Variants in CPPED1 observed in about 807,000 individuals in gnomAD.
The protein encoded by CPPED1 is calcineurin like phosphoesterase domain containing 1, also known as serine/threonine-protein phosphatase CPPED1.
Under a neutral mutation model 28.0 loss-of-function variants are expected in CPPED1, and 28 were observed. That is an observed-to-expected ratio of 1.00 (90% CI 0.74 to 1.37). The LOEUF (loss-of-function observed/expected upper bound fraction) is 1.37, where lower values mean the gene tolerates loss of function less well. Among genes scored for constraint, CPPED1 ranks in the 40% most tolerant of loss-of-function variants. CPPED1 has a pLI of 0.00. For missense variants in CPPED1, 504 were observed against 416.5 expected, an observed-to-expected ratio of 1.21 and a Z score of -1.83; for synonymous variants, 198 against 180.2, an observed-to-expected ratio of 1.10 and a Z score of -0.79.
In CPPED1 at chr16:12,680,669, C is replaced by G. The variant is rs144628100; in HGVS notation, c.716-15554G>C. On this transcript the variant is annotated intron_variant, in intron 3 of 3. Transcript: ENST00000381774. ...GCCCAACTACTCCTGCTTGCTGTAT[C>G]ATCAGCATGAGAAGAGAGACACTCT... is the stretch of plus-strand genomic sequence containing the variant. Among the ~76,000 whole-genome samples the G allele has an allele frequency of 2.8e-3, 419 of 152,252 alleles. 3 individuals carry two copies. Among genetic ancestry groups the G allele is most frequent in the African/African-American group, 9.7e-3 (404 of 41,546 alleles).
intron 3 of CPPED1, among the ~76,000 whole-genome samples, chr16:12,676,162 C>T (rs1427461519): frequency 6.6e-6 from 1 of 152,170 alleles, no homozygotes; most frequent in Non-Finnish European, 1.5e-5. Context: ...GACCCAATGC[C>T]TGTGGCCCAG....
rs557432646 is a variant in CPPED1, at chr16:12,700,635, A to G, written c.715+3989T>C. ...TTGAACTCCTGACTTCAGGTGATCC[A>G]CCTGCCTTGGCCTCCCAAAGTGCTA... is the stretch of plus-strand genomic sequence containing the variant. On this transcript the variant is annotated intron_variant, in intron 3 of 3. Transcript: ENST00000381774. Among the ~76,000 whole-genome samples, 4 of 152,292 alleles carry G rather than the reference A, an allele frequency of 2.6e-5. No homozygotes were observed. The South Asian group carries it at 8.3e-4, about 32-fold the overall frequency.
At chr16:12,683,430 G>C (rs1375535704) in intron 3 of CPPED1, among the ~76,000 whole-genome samples, 1 of 152,048 alleles carries the variant, frequency 6.6e-6, no homozygotes, top group Non-Finnish European at 1.5e-5. Context: ...CACCGGTTCT[G>C]TTATAACCTG....
intron 1 of CPPED1, among the ~76,000 whole-genome samples, chr16:12,792,083 C>T (rs1156414754): frequency 3.9e-5 from 6 of 152,134 alleles, no homozygotes; most frequent in Non-Finnish European, 8.8e-5. Context: ...TCCTGAACAA[C>T]TGAGATTACA....
intron 3 of CPPED1, among the ~76,000 whole-genome samples, chr16:12,683,489 C>T (rs1319893705): frequency 1.3e-5 from 2 of 152,166 alleles, no homozygotes; most frequent in Non-Finnish European, 2.9e-5. Flanking sequence ...AGCCAACAAT[C>T]GGTTCCTAGG....
intron 2 of CPPED1, among the ~76,000 whole-genome samples, chr16:12,722,860 C>T (rs1439696077): frequency 2.0e-5 from 3 of 152,186 alleles, no homozygotes; most frequent in Non-Finnish European, 4.4e-5. Context: ...AAGATGCAGG[C>T]TCCAGTGTAT....
chr16:12,750,806 A>G (rs1364849712), intron 2 of CPPED1, among the ~76,000 whole-genome samples: 1 of 152,100 alleles, frequency 6.6e-6, no homozygotes, highest in African/African-American at 2.4e-5. Flanking sequence ...TCCTGTCTCT[A>G]CTAAAAGTAC....
At chr16:12,763,032 C>A (rs570777447) in intron 2 of CPPED1, among the ~76,000 whole-genome samples, 1 of 152,200 alleles carries the variant, frequency 6.6e-6, no homozygotes, top group African/African-American at 2.4e-5. Flanking sequence ...AGTTCAAGAC[C>A]AGCCTGGCCA....
In CPPED1 at chr16:12,781,296, C is replaced by T. The variant is rs201377568; in HGVS notation, c.178G>A (p.Glu60Lys). The T allele has an allele frequency of 8.0e-4, 1,291 of 1,614,118 alleles. 3 individuals are homozygous for T. The highest frequency in any genetic ancestry group is 1.0e-3 in the Non-Finnish European group (1,234 of 1,180,016). The change falls in exon 2 of 4, where the codon GAA (glutamate) becomes AAA (lysine). Residue 60 changes from glutamate to lysine, a missense_variant. Transcript: ENST00000381774. ...GTTAGACGGATCTCCTGTTCCCATT[C>T]GTCACCGCCATTGTCACAGTCCCCA... ...STGDCDNGGD[E>K]WEQEIRLTEQ...
chr16:12,787,020 A>G (rs534008269), intron 1 of CPPED1, among the ~76,000 whole-genome samples: 4 of 152,348 alleles, frequency 2.6e-5, no homozygotes, highest in Non-Finnish European at 5.9e-5. Context: ...TATATAGCAC[A>G]CATGTATGTG....
intron 2 of CPPED1, among the ~76,000 whole-genome samples, chr16:12,762,129 G>A (rs1455623500): frequency 1.3e-5 from 2 of 152,142 alleles, no homozygotes; most frequent in Non-Finnish European, 1.5e-5. Context: ...TCGGCTAATT[G>A]AGAGGACAGC....
chr16:12,794,752 T>C (rs1056632027), intron 1 of CPPED1, among the ~76,000 whole-genome samples: 2 of 152,182 alleles, frequency 1.3e-5, no homozygotes, highest in South Asian at 2.1e-4. Flanking sequence ...GCTCAACCTG[T>C]ACAAAGGTAA....
chr16:12,730,131 G>C (rs2080189809), intron 2 of CPPED1, among the ~76,000 whole-genome samples: 1 of 152,032 alleles, frequency 6.6e-6, no homozygotes, highest in Non-Finnish European at 1.5e-5. Context: ...CGAGTTGCTG[G>C]GATTACACGT....
chr16:12,760,636 C>T (rs994733959), intron 2 of CPPED1: 2 of 152,162 alleles, frequency 1.3e-5, no homozygotes, highest in African/African-American at 4.8e-5. Flanking sequence ...GTCTCCTGTT[C>T]AGAAGCACTT....
intron 2 of CPPED1, among the ~76,000 whole-genome samples, chr16:12,771,633 G>A (rs2080470869): frequency 6.6e-6 from 1 of 152,150 alleles, no homozygotes; most frequent in Non-Finnish European, 1.5e-5. Context: ...TGCTTATTAT[G>A]GCCTGTCTTG....
At chr16:12,669,104 A>C (rs761026215) in intron 3 of CPPED1, among the ~76,000 whole-genome samples, 1 of 152,244 alleles carries the variant, frequency 6.6e-6, no homozygotes, top group Non-Finnish European at 1.5e-5. Flanking sequence ...GATGATGGAT[A>C]AACAAAATGT....
At chr16:12,756,866 C>T (rs1342246646) in intron 2 of CPPED1, among the ~76,000 whole-genome samples, 3 of 151,524 alleles carry the variant, frequency 2.0e-5, no homozygotes, top group Admixed American at 6.5e-5. Flanking sequence ...TAGACACCTA[C>T]AGTGCTCTCC....
At chr16:12,722,055 A>G (rs1261459898) in intron 2 of CPPED1, among the ~76,000 whole-genome samples, 1 of 152,208 alleles carries the variant, frequency 6.6e-6, no homozygotes, top group African/African-American at 2.4e-5. Flanking sequence ...CTGCTTAGTT[A>G]AAGAAAATAA....
At chr16:12,684,420 G>C (rs1596444861) in intron 3 of CPPED1, among the ~76,000 whole-genome samples, 1 of 152,096 alleles carries the variant, frequency 6.6e-6, no homozygotes. Flanking sequence ...ATCACCTTAG[G>C]ATCCTGATCA....
Sources: allele counts gnomAD v4.1 joint callset (sites outside exome capture counted in the v4.1 genomes callset), GRCh38; gene constraint gnomAD v4.1.1; transcripts MANE v1.5; gene names NCBI Gene and HGNC (gene_info 2026-07-23, HGNC 2026-07-21).